The following DNM3 variants were observed in gnomAD, a reference collection of about 807,000 sequenced individuals.
The protein encoded by DNM3 is dynamin-3.
Under a neutral mutation model 101.6 loss-of-function variants are expected in DNM3, and 47 were observed. The observed-to-expected ratio is 0.46, with a 90% CI of 0.37 to 0.59. The LOEUF (loss-of-function observed/expected upper bound fraction) is 0.59. Among genes scored for constraint, DNM3 ranks in the 20% least tolerant of loss-of-function variants. The pLI, the probability that DNM3 is intolerant of heterozygous loss-of-function variation, is 0.00. For missense variants in DNM3, 849 were observed against 1,085.7 expected, an observed-to-expected ratio of 0.78 and a Z score of 3.06; for synonymous variants, 385 against 387.9, an observed-to-expected ratio of 0.99 and a Z score of 0.09.
At chr1:171,867,130 T>G (rs556214319) in intron 1 of DNM3, among the ~76,000 whole-genome samples, 1 of 152,236 alleles carries the variant, frequency 6.6e-6, no homozygotes, top group East Asian at 1.9e-4. Context: ...CTGGAACACT[T>G]AGGAAGGGGG....
At chr1:172,324,832 A>G (rs1229885504) in intron 17 of DNM3, among the ~76,000 whole-genome samples, 1 of 152,104 alleles carries the variant, frequency 6.6e-6, no homozygotes, top group Non-Finnish European at 1.5e-5. Context: ...CAAGCAAAAC[A>G]AAACAAAACA....
intron 4 of DNM3, among the ~76,000 whole-genome samples, chr1:172,011,900 A>G (rs549585434): frequency 1.3e-5 from 2 of 152,180 alleles, no homozygotes; most frequent in East Asian, 3.9e-4. Context: ...ATCAAGACAA[A>G]TTGACATTCT....
intron 17 of DNM3, among the ~76,000 whole-genome samples, chr1:172,375,116 C>T (rs958658457): frequency 3.9e-5 from 6 of 151,916 alleles, no homozygotes; most frequent in African/African-American, 1.5e-4. Flanking sequence ...AATGAAACCA[C>T]GGGGGTTTTT....
chr1:171,911,830 C>T (rs1167688091), intron 1 of DNM3, among the ~76,000 whole-genome samples: 8 of 152,080 alleles, frequency 5.3e-5, no homozygotes, highest in African/African-American at 1.7e-4. Context: ...TGCTTCTTCT[C>T]ACTGGCTGGT....
At chr1:172,028,919 G>A (rs1395420911) in intron 4 of DNM3, among the ~76,000 whole-genome samples, 2 of 152,048 alleles carry the variant, frequency 1.3e-5, no homozygotes, top group Non-Finnish European at 1.5e-5. Flanking sequence ...GTAATTAATA[G>A]CCTACCAACC....
chr1:172,247,468 A>G (rs1290430616), intron 14 of DNM3, among the ~76,000 whole-genome samples: 2 of 152,224 alleles, frequency 1.3e-5, no homozygotes, highest in East Asian at 1.9e-4. Flanking sequence ...TTGTAATTTG[A>G]TTATTTGATA....
chr1:172,332,817 C>A (rs377398686), intron 17 of DNM3, among the ~76,000 whole-genome samples: 19 of 152,308 alleles, frequency 1.2e-4, no homozygotes, highest in African/African-American at 4.6e-4. Flanking sequence ...ACAGGAAGTA[C>A]AATCCTGCTA....
At chr1:172,163,654 G>T (rs1201182290) in intron 14 of DNM3, among the ~76,000 whole-genome samples, 1 of 151,752 alleles carries the variant, frequency 6.6e-6, no homozygotes, top group Non-Finnish European at 1.5e-5. Flanking sequence ...ACCACCCCCA[G>T]GCCTCTGGCA....
Position 172,298,877 on chromosome 1 carries a change from AAGAC to A in DNM3, c.1770-9847_1770-9844del, listed in dbSNP as rs879554892. The stretch of plus-strand genomic sequence containing the variant: ...AGAAAGAAAGAGAGAGAGAGAGAGA[AAGAC>A]AGAGAAAGAAAGAAAGGAAAAGAAA... On this transcript the variant is annotated intron_variant, in intron 15 of 20. Transcript: ENST00000627582. Among the ~76,000 whole-genome samples, 564 of 141,908 alleles carry A rather than the reference AAGAC, an allele frequency of 4.0e-3. 3 individuals carry two copies. The highest frequency in any genetic ancestry group is 0.018 in the Middle Eastern group (5 of 280). 93.1% of individuals were successfully genotyped at this position (141,908 alleles called of 152,430 possible).
At chr1:171,996,629 G>C (rs1261170621) in intron 4 of DNM3, among the ~76,000 whole-genome samples, 1 of 152,084 alleles carries the variant, frequency 6.6e-6, no homozygotes, top group African/African-American at 2.4e-5. Context: ...CCTTGGGCAA[G>C]TTATTTAACT....
intron 17 of DNM3, among the ~76,000 whole-genome samples, chr1:172,341,688 A>G (rs2066692632): frequency 6.6e-6 from 1 of 152,038 alleles, no homozygotes; most frequent in African/African-American, 2.4e-5. Flanking sequence ...TATGCAGAAG[A>G]TTGAAATTGG....
chr1:171,911,134 C>A (rs2039260383), intron 1 of DNM3, among the ~76,000 whole-genome samples: 1 of 152,116 alleles, frequency 6.6e-6, no homozygotes, highest in Admixed American at 6.5e-5. Flanking sequence ...TTAAATCCTT[C>A]CTGGTTAATT....
chr1:172,164,844 C>T (rs2058690849), intron 14 of DNM3, among the ~76,000 whole-genome samples: 1 of 151,990 alleles, frequency 6.6e-6, no homozygotes, highest in African/African-American at 2.4e-5. Context: ...GACCCTTTTT[C>T]CTAAGGGCAT....
chr1:171,868,101 G>T (rs911252619), intron 1 of DNM3, among the ~76,000 whole-genome samples: 1 of 152,096 alleles, frequency 6.6e-6, no homozygotes, highest in African/African-American at 2.4e-5. Context: ...AACTCTTTAT[G>T]GATCTTCCTT....
rs114534455 is a variant in DNM3, at chr1:172,345,252, T to C, written c.1893+21912T>C. Among the ~76,000 whole-genome samples the C allele has an allele frequency of 9.3e-3, 1,411 of 152,372 alleles. 29 individuals carry two copies. Among genetic ancestry groups the C allele is most frequent in the African/African-American group, 0.032 (1,332 of 41,586 alleles). Reference sequence around the variant, plus strand: ...TAGAAAGGAATTAAACAAAAAGCTTTAGTTTCATCACAGTTAAAAATATTT... The same window carrying C: ...TAGAAAGGAATTAAACAAAAAGCTTCAGTTTCATCACAGTTAAAAATATTT... On this transcript the variant is annotated intron_variant, in intron 17 of 20. Coordinates refer to ENST00000627582, the MANE Select transcript of DNM3 (RefSeq NM_015569.5).
In DNM3 at chr1:172,409,084, A is replaced by T; in HGVS notation, c.*1243A>T. 1 of 985,364 alleles carries T rather than the reference A, an allele frequency of 1.0e-6. No homozygotes were observed. The highest frequency in any genetic ancestry group is 1.1e-4 in the East Asian group (1 of 8,816). The allele number at this position is 985,364 out of a possible 1,614,324, so 61.0% of individuals were successfully genotyped here. The stretch of plus-strand genomic sequence containing the variant: ...ACCAGAACAGTTTAGCCTGGGGGTT[A>T]ATAGTTAAGTCTTGAGGCTAAGTTT... On this transcript the variant is annotated 3_prime_UTR_variant, in exon 21 of 21. Coordinates refer to ENST00000627582, the MANE Select transcript of DNM3 (RefSeq NM_015569.5).
chr1:172,358,185 C>T (rs991912255), intron 17 of DNM3, among the ~76,000 whole-genome samples: 3 of 152,068 alleles, frequency 2.0e-5, no homozygotes, highest in South Asian at 2.1e-4. Flanking sequence ...GTTTCCCTTT[C>T]GGGACTTCAA....
chr1:171,918,044 T>A (rs2039861275), intron 1 of DNM3, among the ~76,000 whole-genome samples: 1 of 152,158 alleles, frequency 6.6e-6, no homozygotes, highest in Non-Finnish European at 1.5e-5. Context: ...TTCCAAACCC[T>A]TGCAGGTGAT....
At chr1:172,008,025 G>A (rs1032550743) in intron 4 of DNM3, among the ~76,000 whole-genome samples, 2 of 151,944 alleles carry the variant, frequency 1.3e-5, no homozygotes, top group Non-Finnish European at 2.9e-5. Flanking sequence ...ATCTATTCGG[G>A]TCTTTTGCCC....
Sources: gnomAD v4.1 joint callset for allele counts (sites outside exome capture counted in the v4.1 genomes callset) on GRCh38, gnomAD v4.1.1 for gene constraint, MANE v1.5 for transcripts, NCBI Gene and HGNC (gene_info 2026-07-23, HGNC 2026-07-21) for gene names.